Variants in KCNQ1 observed in about 807,000 individuals in gnomAD.
KCNQ1 encodes potassium voltage-gated channel subfamily Q member 1, also known as potassium voltage-gated channel subfamily KQT member 1.
KCNQ1 carries 49 observed loss-of-function variants against 72.4 expected under a neutral mutation model. The ratio of observed to expected loss-of-function variants is 0.68; its 90% CI spans 0.54 to 0.86. KCNQ1 has a LOEUF of 0.86. Ranked by LOEUF, KCNQ1 falls within the 40% of genes least tolerant of loss-of-function variation. The probability of loss-of-function intolerance (pLI) is 0.00; values close to 1 mark genes in which losing one functional copy is unlikely to be tolerated. For synonymous variants in KCNQ1, 450 were observed against 412.6 expected (o/e 1.09, Z -1.10); for missense variants, 790 against 945.1 (o/e 0.84, Z 2.15).
chr11:2,761,306 G>A (rs1354483447), intron 11 of KCNQ1, among the ~76,000 whole-genome samples: 1 of 151,982 alleles, frequency 6.6e-6, no homozygotes, highest in African/African-American at 2.4e-5. Context: ...CTCCTACGCT[G>A]GTGTGTTCCT....
chr11:2,497,578 C>CA lies in KCNQ1; in HGVS notation c.387-30349dup, dbSNP rs558556430. ...GTTAGCAGTTCCTGTAACCTTTTAT[C>CA]AGGTTCTTAGCTTCCTTGCATTGGG... On this transcript the variant is annotated intron_variant, in intron 1 of 15. Coordinates refer to ENST00000155840, the MANE Select transcript of KCNQ1 (RefSeq NM_000218.3). This position sits in a 1 kb window ranked among gnomAD's most constrained non-coding sequence, Gnocchi z 4.5. Among the ~76,000 whole-genome samples the CA allele has an allele frequency of 2.4e-3, 362 of 152,232 alleles. No individual in the cohort carries two copies. The highest frequency in any genetic ancestry group is 7.9e-3 in the African/African-American group (330 of 41,546).
intron 11 of KCNQ1, among the ~76,000 whole-genome samples, chr11:2,742,081 T>G (rs1477010310): frequency 6.6e-6 from 1 of 152,262 alleles, no homozygotes; most frequent in Non-Finnish European, 1.5e-5. Context: ...GGTTAGGTTT[T>G]CTCCACATTA....
chr11:2,525,232 C>T (rs1847476161), intron 1 of KCNQ1, among the ~76,000 whole-genome samples: 1 of 152,174 alleles, frequency 6.6e-6, no homozygotes, highest in Non-Finnish European at 1.5e-5. Context: ...CCAGTCTGAG[C>T]CCATTCCCAG....
chr11:2,460,792 G>C (rs1846266075), intron 1 of KCNQ1, among the ~76,000 whole-genome samples: 1 of 152,218 alleles, frequency 6.6e-6, no homozygotes, highest in South Asian at 2.1e-4. Flanking sequence ...CCACAGTGGG[G>C]GACCAGATCT....
chr11:2,812,029 C>A (rs1017129039), intron 15 of KCNQ1, among the ~76,000 whole-genome samples: 1 of 152,248 alleles, frequency 6.6e-6, no homozygotes, highest in East Asian at 1.9e-4. Context: ...CTCCTGGCAC[C>A]GCCGGCCACC....
chr11:2,691,941 T>A lies in KCNQ1; in HGVS notation c.1514+29860T>A. On this transcript the variant is annotated intron_variant, in intron 11 of 15. Coordinates refer to ENST00000155840, the MANE Select transcript of KCNQ1 (RefSeq NM_000218.3). This position sits in a 1 kb window ranked among gnomAD's most constrained non-coding sequence, Gnocchi z 6.4. ...CCTTGGCAGGTTTTCCCTTCTGGCA[T>A]GGCCACTAAATGCCAGTGCCTTTCT... The A allele has an allele frequency of 2.5e-6, 1 of 398,698 alleles. No homozygotes were observed. The highest frequency in any genetic ancestry group is 4.4e-6 in the Non-Finnish European group (1 of 226,134). 24.7% of individuals were successfully genotyped at this position (398,698 alleles called of 1,614,324 possible).
chr11:2,547,152 C>T lies in KCNQ1; in HGVS notation c.477+19134C>T, dbSNP rs896792301. Among the ~76,000 whole-genome samples, 3 of 152,142 alleles carry T rather than the reference C, an allele frequency of 2.0e-5. No individual in the cohort carries two copies. Among genetic ancestry groups the T allele is most frequent in the Non-Finnish European group, 4.4e-5 (3 of 68,022 alleles). ...TTTTATAATTACGTGTATTTTGTCA[C>T]GGTTGCTGTTGTAGTTTTCTTTACA... is the stretch of plus-strand genomic sequence containing the variant. On this transcript the variant is annotated intron_variant, in intron 2 of 15. Coordinates refer to ENST00000155840, the MANE Select transcript of KCNQ1 (RefSeq NM_000218.3). This position sits in a 1 kb window ranked among gnomAD's most constrained non-coding sequence, Gnocchi z 4.2.
At chr11:2,452,585 G>T (rs940186203) in intron 1 of KCNQ1, among the ~76,000 whole-genome samples, 5 of 152,208 alleles carry the variant, frequency 3.3e-5, no homozygotes, top group African/African-American at 1.2e-4. Flanking sequence ...GGAACCATGC[G>T]CTTCAAGCGT....
At position 2,563,652 on chromosome 11, in the gene KCNQ1, C is replaced by T. The variant is rs1437848882; in HGVS notation, c.478-6976C>T. ...GCAGTGACTGTGCCTTAGGGTGTCC[C>T]GTTGGCATCCAGGGCCCCCCGTGAA... On this transcript the variant is annotated intron_variant, in intron 2 of 15. Transcript: ENST00000155840. The surrounding 1 kb of genome is among the most constrained non-coding windows in gnomAD (Gnocchi z 7.4). Among the ~76,000 whole-genome samples, 2 of 152,200 alleles carry T rather than the reference C, an allele frequency of 1.3e-5. No individual in the cohort carries two copies. Among genetic ancestry groups the T allele is most frequent in the African/African-American group, 2.4e-5 (1 of 41,452 alleles).
Position 2,603,906 on chromosome 11 carries a change from G to T in KCNQ1, c.1393+15052G>T, listed in dbSNP as rs1848842355. Reference sequence around the variant, plus strand: ...GGGTTTCGCCATGTTAGCCAGGCTGGTCTCGAACTCCTGACCTCAGGTGAT... The same window carrying T: ...GGGTTTCGCCATGTTAGCCAGGCTGTTCTCGAACTCCTGACCTCAGGTGAT... On this transcript the variant is annotated intron_variant, in intron 10 of 15. Coordinates refer to ENST00000155840, the MANE Select transcript of KCNQ1 (RefSeq NM_000218.3). The surrounding 1 kb of genome is among the most constrained non-coding windows in gnomAD (Gnocchi z 4.1). Among the ~76,000 whole-genome samples the T allele has an allele frequency of 1.3e-5, 2 of 151,986 alleles. No homozygotes were observed. Among genetic ancestry groups the T allele is most frequent in the Admixed American group, 6.5e-5 (1 of 15,278 alleles).
In KCNQ1 at chr11:2,486,329, C is replaced by G. The variant is rs528376178; in HGVS notation, c.386+40845C>G. On this transcript the variant is annotated intron_variant, in intron 1 of 15. Transcript: ENST00000155840. The surrounding 1 kb of genome is among the most constrained non-coding windows in gnomAD (Gnocchi z 5.0). ...AATATCTCCTCAGCTCTTTTGCCCA[C>G]TTCATTAAATTGAGAGGTTTGTTTT... 2.6e-5 allele frequency among the ~76,000 whole-genome samples: 4 copies of G among 152,190 alleles called. No individual in the cohort carries two copies. Among genetic ancestry groups the G allele is most frequent in the Non-Finnish European group, 5.9e-5 (4 of 68,022 alleles).
intron 11 of KCNQ1, chr11:2,692,676 G>A (rs1338012539): frequency 5.0e-6 from 2 of 398,552 alleles, no homozygotes; most frequent in African/African-American, 4.1e-5. Context: ...TTCAACATTA[G>A]TTAGTCTTTC....
At chr11:2,763,692 G>A (rs1447382819) in intron 11 of KCNQ1, among the ~76,000 whole-genome samples, 2 of 152,164 alleles carry the variant, frequency 1.3e-5, no homozygotes, top group Admixed American at 6.5e-5. Flanking sequence ...TGAGTAGCAA[G>A]AAGCACAGGT....
In KCNQ1 at chr11:2,537,812, G is replaced by A. The variant is rs1847758896; in HGVS notation, c.477+9794G>A. Among the ~76,000 whole-genome samples, 3 of 152,080 alleles carry A rather than the reference G, an allele frequency of 2.0e-5. No homozygotes were observed. The highest frequency in any genetic ancestry group is 4.4e-5 in the Non-Finnish European group (3 of 68,024). On this transcript the variant is annotated intron_variant, in intron 2 of 15. Coordinates refer to ENST00000155840, the MANE Select transcript of KCNQ1 (RefSeq NM_000218.3). This position sits in a 1 kb window ranked among gnomAD's most constrained non-coding sequence, Gnocchi z 5.2. ...CGGCTCACTGCAGCCTCGGCCTCCTGGCCTCAAGTGTTCCCACTTCAGCCT... is the reference window on the plus strand; with the variant it reads ...CGGCTCACTGCAGCCTCGGCCTCCTAGCCTCAAGTGTTCCCACTTCAGCCT...
chr11:2,626,270 G>A lies in KCNQ1; in HGVS notation c.1394-35691G>A. On this transcript the variant is annotated intron_variant, in intron 10 of 15. Coordinates refer to ENST00000155840, the MANE Select transcript of KCNQ1 (RefSeq NM_000218.3). The surrounding 1 kb of genome is among the most constrained non-coding windows in gnomAD (Gnocchi z 4.0). Reference sequence around the variant, plus strand: ...TCAACTTCATTCTCTTTTATACATGGTTAGGTAAGGATCTCAACTTCATTC... The same window carrying A: ...TCAACTTCATTCTCTTTTATACATGATTAGGTAAGGATCTCAACTTCATTC... The A allele has an allele frequency of 2.5e-6, 1 of 398,364 alleles. No individual in the cohort carries two copies. Among genetic ancestry groups the A allele is most frequent in the Non-Finnish European group, 4.4e-6 (1 of 226,014 alleles). The allele number at this position is 398,364 out of a possible 1,614,324, so 24.7% of individuals were successfully genotyped here. A position where few individuals can be genotyped will look rare whatever the true frequency, so the allele number is the denominator to read the frequency against.
intron 15 of KCNQ1, 104 bp from the exon 16 acceptor site, chr11:2,847,663 G>A (rs141720264): frequency 2.7e-5 from 29 of 1,076,952 alleles, no homozygotes; most frequent in East Asian, 1.5e-4. Flanking sequence ...TTGCAGAGAC[G>A]GTTGGCACCT....
intron 11 of KCNQ1, chr11:2,666,458 C>G: frequency 2.5e-6 from 1 of 398,678 alleles, no homozygotes; most frequent in Non-Finnish European, 4.4e-6. Flanking sequence ...TCTCCTGGAC[C>G]CTGCAGAATC....
chr11:2,610,212 C>T (rs1008510713), intron 10 of KCNQ1: 35 of 397,546 alleles, frequency 8.8e-5, no homozygotes, highest in East Asian at 2.9e-4. Flanking sequence ...CCTTATGTAT[C>T]GTCTCAAAAT....
chr11:2,634,860 A>T (rs934838567), intron 10 of KCNQ1: 2 of 152,146 alleles, frequency 1.3e-5, no homozygotes, highest in African/African-American at 4.8e-5. Context: ...TGAATTTTTA[A>T]TGATTGCCAT....
Sources: gnomAD v4.1 joint callset for allele counts (sites outside exome capture counted in the v4.1 genomes callset) on GRCh38, gnomAD v4.1.1 for gene constraint, Gnocchi (gnomAD v3.1) non-coding constraint, MANE v1.5 for transcripts, NCBI Gene and HGNC (gene_info 2026-07-23, HGNC 2026-07-21) for gene names.